Variants in MIPOL1 observed in about 807,000 individuals in gnomAD.
The protein encoded by MIPOL1 is mirror-image polydactyly gene 1 protein.
A neutral mutation model predicts 60.9 loss-of-function variants in MIPOL1; 57 were observed. That is an observed-to-expected ratio of 0.94 (90% CI 0.76 to 1.17). The LOEUF (loss-of-function observed/expected upper bound fraction) is 1.17, where lower values mean the gene tolerates loss of function less well. Among genes scored for constraint, MIPOL1 ranks in the 50% most tolerant of loss-of-function variants. The pLI is 0.00. For synonymous variants in MIPOL1, 179 were observed against 168.8 expected (o/e 1.06, Z -0.47); for missense variants, 551 against 511.6 (o/e 1.08, Z -0.74).
rs548127253 is a variant in MIPOL1, at chr14:37,421,483, G to A, written c.937-1372G>A. ...GTTACCATTTTAATCACATTTTATGGTATACTGAAAATTGGAAAAGCTTGC... is the reference window on the plus strand; with the variant it reads ...GTTACCATTTTAATCACATTTTATGATATACTGAAAATTGGAAAAGCTTGC... On this transcript the variant is annotated intron_variant, in intron 10 of 12. Transcript: ENST00000684589. Among the ~76,000 whole-genome samples, 90 of 152,170 alleles carry A rather than the reference G, an allele frequency of 5.9e-4. No homozygotes were observed. In the Middle Eastern group the frequency reaches 0.031, roughly 52 times the overall value.
chr14:37,452,829 C>T (rs2094437782), intron 11 of MIPOL1, among the ~76,000 whole-genome samples: 1 of 152,168 alleles, frequency 6.6e-6, no homozygotes, highest in South Asian at 2.1e-4. Flanking sequence ...ACTTCAGTGT[C>T]TTCCAGTTAG....
chr14:37,240,889 C>A (rs527462245), intron 1 of MIPOL1, among the ~76,000 whole-genome samples: 1 of 151,696 alleles, frequency 6.6e-6, no homozygotes, highest in Non-Finnish European at 1.5e-5. Flanking sequence ...ATTTGATGTC[C>A]TTTTATGGTT....
intron 9 of MIPOL1, among the ~76,000 whole-genome samples, chr14:37,327,119 T>A (rs1414418250): frequency 6.6e-6 from 1 of 152,146 alleles, no homozygotes; most frequent in East Asian, 1.9e-4. Flanking sequence ...TTATGCTTAA[T>A]CCCTTATTTC....
chr14:37,202,384 T>TACACACACAC (rs3061896), intron 1 of MIPOL1, among the ~76,000 whole-genome samples: 5 of 149,930 alleles, frequency 3.3e-5, no homozygotes, highest in African/African-American at 4.9e-5. Context: ...TGCATTTCAT[T>TACACACACAC]ACACACACAC....
At chr14:37,372,006 A>G (rs1047946659) in intron 10 of MIPOL1, among the ~76,000 whole-genome samples, 4 of 152,160 alleles carry the variant, frequency 2.6e-5, no homozygotes, top group Admixed American at 6.6e-5. Context: ...AGTATCTAAT[A>G]AGTGTCAGGA....
intron 11 of MIPOL1, among the ~76,000 whole-genome samples, chr14:37,429,971 T>C (rs2153558089): frequency 6.6e-6 from 1 of 152,272 alleles, no homozygotes; most frequent in Middle Eastern, 3.4e-3. Flanking sequence ...TTTTTCTCAA[T>C]GCAAATCCCT....
intron 11 of MIPOL1, among the ~76,000 whole-genome samples, chr14:37,491,821 A>G (rs1170279960): frequency 6.6e-6 from 1 of 152,212 alleles, no homozygotes; most frequent in Non-Finnish European, 1.5e-5. Flanking sequence ...AACCAACTGC[A>G]GCAACAGTGG....
chr14:37,221,362 C>A (rs1258202125), intron 1 of MIPOL1, among the ~76,000 whole-genome samples: 1 of 152,136 alleles, frequency 6.6e-6, no homozygotes, highest in Non-Finnish European at 1.5e-5. Flanking sequence ...TGTTATTAAT[C>A]CATTCATGAG....
intron 10 of MIPOL1, among the ~76,000 whole-genome samples, chr14:37,415,468 A>G (rs963190370): frequency 6.6e-6 from 1 of 151,906 alleles, no homozygotes; most frequent in African/African-American, 2.4e-5. Flanking sequence ...CTAAAAAAAA[A>G]AATACAAAAA....
At chr14:37,443,791 A>T (rs1472391150) in intron 11 of MIPOL1, among the ~76,000 whole-genome samples, 1 of 151,938 alleles carries the variant, frequency 6.6e-6, no homozygotes, top group Admixed American at 6.6e-5. Context: ...AGCAAACCAA[A>T]TCCAACAGCA....
At chr14:37,213,542 T>G (rs990720987) in intron 1 of MIPOL1, among the ~76,000 whole-genome samples, 13 of 151,448 alleles carry the variant, frequency 8.6e-5, no homozygotes, top group African/African-American at 3.2e-4. Context: ...GAAAAAAGAA[T>G]AAAAAAACAA....
intron 1 of MIPOL1, among the ~76,000 whole-genome samples, chr14:37,220,916 C>T (rs943521744): frequency 2.0e-5 from 3 of 152,154 alleles, no homozygotes; most frequent in Admixed American, 2.0e-4. Context: ...GCTAGGAATA[C>T]AGGTGTGCAC....
chr14:37,210,766 G>A (rs1966775144), intron 1 of MIPOL1, among the ~76,000 whole-genome samples: 1 of 152,128 alleles, frequency 6.6e-6, no homozygotes, highest in Non-Finnish European at 1.5e-5. Flanking sequence ...CTGACAGCAA[G>A]GGATTATAGA....
chr14:37,289,081 T>C (rs1348964463), intron 7 of MIPOL1, among the ~76,000 whole-genome samples: 3 of 152,208 alleles, frequency 2.0e-5, no homozygotes, highest in Admixed American at 1.3e-4. Flanking sequence ...TTTAAAAGGA[T>C]TGAATAATCA....
intron 11 of MIPOL1, among the ~76,000 whole-genome samples, chr14:37,481,397 A>T: frequency 6.6e-6 from 1 of 152,156 alleles, no homozygotes; most frequent in Non-Finnish European, 1.5e-5. Flanking sequence ...AAGTGGAAGG[A>T]TATCTCATGT....
intron 10 of MIPOL1, among the ~76,000 whole-genome samples, chr14:37,407,432 T>A (rs1482134297): frequency 6.6e-6 from 1 of 152,208 alleles, no homozygotes; most frequent in Non-Finnish European, 1.5e-5. Flanking sequence ...GGGAGGAATA[T>A]TTCAATTTCT....
intron 9 of MIPOL1, among the ~76,000 whole-genome samples, chr14:37,332,183 A>G (rs2089750795): frequency 6.6e-6 from 1 of 151,246 alleles, no homozygotes; most frequent in Admixed American, 6.6e-5. Context: ...ATATGATTCT[A>G]GCTGTAGGTT....
intron 1 of MIPOL1, chr14:37,227,885 T>C (rs551306148): frequency 1.3e-5 from 2 of 152,272 alleles, no homozygotes; most frequent in South Asian, 4.1e-4. Context: ...CACTACTTTG[T>C]CTACAATTCA....
At chr14:37,396,317 C>T (rs551081830) in intron 10 of MIPOL1, among the ~76,000 whole-genome samples, 59 of 152,224 alleles carry the variant, frequency 3.9e-4, no homozygotes, top group African/African-American at 1.3e-3. Context: ...TCCCTTCTAG[C>T]TTGTAGGGTT....
Sources: gnomAD v4.1 joint callset for allele counts (sites outside exome capture counted in the v4.1 genomes callset) on GRCh38, gnomAD v4.1.1 for gene constraint, MANE v1.5 for transcripts, NCBI Gene and HGNC (gene_info 2026-07-23, HGNC 2026-07-21) for gene names.